Variants in TNIK observed in about 807,000 individuals in gnomAD.
TNIK encodes TRAF2 and NCK-interacting protein kinase.
Under a neutral mutation model 191.3 loss-of-function variants are expected in TNIK, and 49 were observed. The observed-to-expected ratio is 0.26, with a 90% CI of 0.20 to 0.32. The LOEUF (loss-of-function observed/expected upper bound fraction) is 0.32, where lower values mean the gene tolerates loss of function less well. Ranked by LOEUF, TNIK falls within the 10% of genes least tolerant of loss-of-function variation. TNIK has a pLI of 1.00. For synonymous variants in TNIK, 594 were observed against 600.9 expected (o/e 0.99, Z 0.17); for missense variants, 1,155 against 1,702.3 (o/e 0.68, Z 5.66).
chr3:171,291,962 T>C lies in TNIK; in HGVS notation c.124-63741A>G, dbSNP rs76397517. ...ATCAAGGATCCTTTCTACTCATTTA[T>C]CTTCAGGTTTACTGAATCTTTCCTC... On this transcript the variant is annotated intron_variant, in intron 2 of 32. Coordinates refer to ENST00000436636, the MANE Select transcript of TNIK (RefSeq NM_015028.4). Among the ~76,000 whole-genome samples, 3 of 152,246 alleles carry C rather than the reference T, an allele frequency of 2.0e-5. No homozygotes were observed. The East Asian group carries it at 5.8e-4, about 29-fold the overall frequency.
At chr3:171,310,517 G>A (rs1753907313) in intron 2 of TNIK, among the ~76,000 whole-genome samples, 1 of 152,130 alleles carries the variant, frequency 6.6e-6, no homozygotes, top group African/African-American at 2.4e-5. Context: ...AAAAGGGTAA[G>A]CAAATGAACA....
At chr3:171,065,058 T>C (rs1400620678) in intron 32 of TNIK, among the ~76,000 whole-genome samples, 1 of 152,120 alleles carries the variant, frequency 6.6e-6, no homozygotes, top group African/African-American at 2.4e-5. Context: ...AAACCTTGGG[T>C]TGCAGACAAC....
rs765470725 is a variant in TNIK at position 171,107,466 on chromosome 3, G to GA, written c.2383-261dup. On this transcript the variant is annotated intron_variant, in intron 20 of 32. Coordinates refer to ENST00000436636, the MANE Select transcript of TNIK (RefSeq NM_015028.4). ...AAAAGATTCTCAAGAGATTTAAATA[G>GA]AAAAAATGGATAGTAATTCATCCCA... 5.3e-5 allele frequency among the ~76,000 whole-genome samples: 8 copies of GA among 152,162 alleles called. No homozygotes were observed. In the East Asian group the frequency reaches 1.2e-3, roughly 22 times the overall value.
intron 23 of TNIK, among the ~76,000 whole-genome samples, chr3:171,088,035 A>C (rs1721589782): frequency 6.6e-6 from 1 of 152,226 alleles, no homozygotes; most frequent in African/African-American, 2.4e-5. Flanking sequence ...AACAATGATT[A>C]ATCAGATCTG....
At chr3:171,122,332 A>G (rs979802489) in intron 18 of TNIK, among the ~76,000 whole-genome samples, 13 of 152,316 alleles carry the variant, frequency 8.5e-5, no homozygotes, top group African/African-American at 3.1e-4. Flanking sequence ...GGGCACTGAT[A>G]AAGTTCAGGC....
chr3:171,148,012 A>G (rs998362636), intron 12 of TNIK, among the ~76,000 whole-genome samples: 3 of 152,082 alleles, frequency 2.0e-5, no homozygotes, highest in Admixed American at 6.5e-5. Context: ...AGCTTTCCCA[A>G]TGTTCTCAGA....
chr3:171,297,282 A>C (rs1306847808), intron 2 of TNIK, among the ~76,000 whole-genome samples: 5 of 152,234 alleles, frequency 3.3e-5, no homozygotes, highest in African/African-American at 1.2e-4. Context: ...CACAGATGCC[A>C]TGCCCATAGA....
At chr3:171,269,168 A>C (rs1051972381) in intron 2 of TNIK, among the ~76,000 whole-genome samples, 5 of 152,154 alleles carry the variant, frequency 3.3e-5, no homozygotes, top group Non-Finnish European at 7.4e-5. Flanking sequence ...TCAAACTATA[A>C]TTTTTCTTAC....
At chr3:171,257,037 A>G (rs1292254935) in intron 2 of TNIK, among the ~76,000 whole-genome samples, 1 of 152,208 alleles carries the variant, frequency 6.6e-6, no homozygotes, top group African/African-American at 2.4e-5. Context: ...CTCTGGTTTT[A>G]AAGTGGAACT....
chr3:171,457,312 A>T (rs547468857), intron 1 of TNIK, among the ~76,000 whole-genome samples: 1 of 152,346 alleles, frequency 6.6e-6, no homozygotes, highest in South Asian at 2.1e-4. Context: ...ATAAGCCCCC[A>T]AAGTGAGAAG....
intron 2 of TNIK, among the ~76,000 whole-genome samples, chr3:171,289,901 C>CAAAAA (rs143704401): frequency 1.3e-5 from 1 of 77,854 alleles, no homozygotes; most frequent in African/African-American, 4.1e-5. Flanking sequence ...GACTCCGTCT[C>CAAAAA]AAAAAAAAAA....
chr3:171,082,147 T>G, intron 27 of TNIK, 104 bp downstream of exon 27: 1 of 1,445,184 alleles, frequency 6.9e-7, no homozygotes, highest in Non-Finnish European at 9.3e-7. Flanking sequence ...CTTTATTGTG[T>G]TGTTTGTTAG....
At chr3:171,256,349 A>G (rs1435774786) in intron 2 of TNIK, among the ~76,000 whole-genome samples, 1 of 152,226 alleles carries the variant, frequency 6.6e-6, no homozygotes, top group East Asian at 1.9e-4. Context: ...AAGAGAATCG[A>G]TAAAGAGGTT....
At chr3:171,132,832 T>C (rs1729493143) in intron 15 of TNIK, among the ~76,000 whole-genome samples, 1 of 152,212 alleles carries the variant, frequency 6.6e-6, no homozygotes, top group South Asian at 2.1e-4. Flanking sequence ...TAGGAAGGTC[T>C]CAGAAGGCTT....
At chr3:171,448,371 C>T (rs1397561824) in intron 1 of TNIK, among the ~76,000 whole-genome samples, 1 of 152,158 alleles carries the variant, frequency 6.6e-6, no homozygotes, top group Non-Finnish European at 1.5e-5. Context: ...ATCATACAAC[C>T]ATGTGTCTTC....
At chr3:171,285,400 G>A (rs879944750) in intron 2 of TNIK, among the ~76,000 whole-genome samples, 20 of 152,140 alleles carry the variant, frequency 1.3e-4, no homozygotes, top group African/African-American at 1.9e-4. Context: ...AAAGAAAAAC[G>A]TAGATGAGAA....
At chr3:171,117,787 G>A (rs2108534384) in intron 18 of TNIK, among the ~76,000 whole-genome samples, 1 of 152,220 alleles carries the variant, frequency 6.6e-6, no homozygotes, top group South Asian at 2.1e-4. Context: ...TGGCTAACAG[G>A]GTGAAACCCC....
intron 23 of TNIK, among the ~76,000 whole-genome samples, chr3:171,092,237 C>A (rs746551063): frequency 6.6e-6 from 1 of 152,188 alleles, no homozygotes; most frequent in East Asian, 1.9e-4. Context: ...CACGAGCCAC[C>A]GCGCCCGGCT....
chr3:171,327,238 G>A (rs1755870348), intron 2 of TNIK, among the ~76,000 whole-genome samples: 1 of 152,186 alleles, frequency 6.6e-6, no homozygotes, highest in Non-Finnish European at 1.5e-5. Context: ...GAAGTGGCTT[G>A]TAGTATCAGG....
Sources: allele counts gnomAD v4.1 joint callset (sites outside exome capture counted in the v4.1 genomes callset), GRCh38; gene constraint gnomAD v4.1.1; transcripts MANE v1.5; gene names NCBI Gene and HGNC (gene_info 2026-07-23, HGNC 2026-07-21).